Variants in OCA2 observed in about 807,000 individuals in gnomAD.
OCA2 encodes OCA2 melanosomal transmembrane protein.
OCA2 carries 77 observed loss-of-function variants against 100.2 expected under a neutral mutation model. That is an observed-to-expected ratio of 0.77 (90% CI 0.64 to 0.93). The LOEUF (loss-of-function observed/expected upper bound fraction) is 0.93. OCA2 is among the 40% of genes least tolerant of loss of function. The pLI, the probability that OCA2 is intolerant of heterozygous loss-of-function variation, is 0.00. For missense variants in OCA2, 1,062 were observed against 1,089.1 expected (o/e 0.98, Z 0.35); for synonymous variants, 432 against 439.2 (o/e 0.98, Z 0.21).
chr15:27,882,891 GC>G (rs2037078157), intron 19 of OCA2, among the ~76,000 whole-genome samples: 1 of 152,140 alleles, frequency 6.6e-6, no homozygotes, highest in South Asian at 2.1e-4. Context: ...CTTGCTTCAT[GC>G]CTGTCTAGCA....
chr15:27,889,777 G>A (rs896522997), intron 19 of OCA2, among the ~76,000 whole-genome samples: 34 of 152,296 alleles, frequency 2.2e-4, no homozygotes, highest in African/African-American at 7.9e-4. Flanking sequence ...TACCTGTTTG[G>A]TCACTGGCTC....
At chr15:27,765,846 C>G (rs1032183340) in intron 23 of OCA2, among the ~76,000 whole-genome samples, 3 of 152,200 alleles carry the variant, frequency 2.0e-5, no homozygotes, top group African/African-American at 7.2e-5. Context: ...ACTCTCATCA[C>G]CATCTTGGTT....
At chr15:28,023,802 G>T (rs1044584043) in intron 5 of OCA2, among the ~76,000 whole-genome samples, 1 of 151,648 alleles carries the variant, frequency 6.6e-6, no homozygotes, top group Non-Finnish European at 1.5e-5. Flanking sequence ...GCTCACACAG[G>T]TGCACACACA....
intron 14 of OCA2, among the ~76,000 whole-genome samples, chr15:27,981,897 C>T (rs906956641): frequency 4.6e-5 from 7 of 152,124 alleles, no homozygotes; most frequent in Admixed American, 6.5e-5. Flanking sequence ...TGGCCAGGGT[C>T]GTCCCTCCCT....
chr15:28,015,200 G>T (rs773932261), intron 8 of OCA2, among the ~76,000 whole-genome samples: 5 of 152,070 alleles, frequency 3.3e-5, no homozygotes, highest in Non-Finnish European at 7.4e-5. Context: ...CACAGAAGAC[G>T]CCAGCCATTG....
At chr15:27,926,786 C>G (rs2442125) in intron 18 of OCA2, among the ~76,000 whole-genome samples, 60,899 of 151,478 alleles carry the variant, frequency 0.4, 12,326 homozygotes, top group Middle Eastern at 0.52. Flanking sequence ...TTAACTTTTT[C>G]TATTTTTAGT....
chr15:28,073,093 A>C (rs1205859521), intron 2 of OCA2, among the ~76,000 whole-genome samples: 1 of 152,234 alleles, frequency 6.6e-6, no homozygotes, highest in Non-Finnish European at 1.5e-5. Context: ...GTTCATATAC[A>C]TCATGGAATA....
chr15:27,771,469 A>G (rs1461995829), intron 23 of OCA2, among the ~76,000 whole-genome samples: 1 of 151,370 alleles, frequency 6.6e-6, no homozygotes, highest in Non-Finnish European at 1.5e-5. Flanking sequence ...TGGGTTCTCC[A>G]GGCAGCGCCC....
At chr15:28,058,078 T>C (rs1021069724) in intron 2 of OCA2, among the ~76,000 whole-genome samples, 7 of 152,128 alleles carry the variant, frequency 4.6e-5, no homozygotes, top group Admixed American at 1.3e-4. Context: ...GAAGGGCTGG[T>C]AGACATTCTC....
chr15:27,890,514 T>C (rs1051922223), intron 19 of OCA2, among the ~76,000 whole-genome samples: 32 of 152,182 alleles, frequency 2.1e-4, no homozygotes, highest in African/African-American at 6.8e-4. Flanking sequence ...GGCAGCAAAT[T>C]TCTTCTCTGA....
chr15:27,806,034 T>C (rs536093344), intron 23 of OCA2, among the ~76,000 whole-genome samples: 1 of 152,276 alleles, frequency 6.6e-6, no homozygotes, highest in East Asian at 1.9e-4. Context: ...ACAGTGCAGG[T>C]TTGTGACTAT....
rs1220615392 is a variant in OCA2, at chr15:27,986,603, T to A, written c.1223A>T (p.Asp408Val). The stretch of plus-strand genomic sequence containing the variant: ...CATACCTACCTTTACAGCACAATAA[T>A]CGAAAAATCCCGTTTCTGAAAATAT... ...VAIFSETGFFDYCAVKAYRLS... is the reference protein window; with the variant it reads ...VAIFSETGFFVYCAVKAYRLS... The change falls in exon 12 of 24, where the codon GAT (aspartate) becomes GTT (valine). Residue 408 changes from aspartate (D) to valine (V), a missense_variant. Physicochemically the swap from Asp to Val is radical, Grantham distance 152 (BLOSUM62 -3). Transcript: ENST00000354638. 6.3e-7 allele frequency: 1 copy of A among 1,589,714 alleles called. No homozygotes were observed. Among genetic ancestry groups the A allele is most frequent in the Admixed American group, 1.7e-5 (1 of 59,988 alleles).
rs1013445454 is a variant in OCA2, at chr15:27,851,471, G to T, written c.2249C>A (p.Pro750His). 16 of 1,612,756 alleles carry T rather than the reference G, an allele frequency of 9.9e-6. No individual in the cohort carries two copies. Among genetic ancestry groups the T allele is most frequent in the Admixed American group, 1.7e-5 (1 of 59,910 alleles). ...GTCGTGGCTCAGGTTCAGGAGCACG[G>T]GAATCTGTGGAGGAAGAGGACATTG... ...DNIPFTATMI[P>H]VLLNLSHDPE... is the part of the protein sequence containing the mutation. Residue 750 changes from proline (P) to histidine (H), a missense_variant, in exon 22 of 24, where the codon CCC becomes CAC. Transcript: ENST00000354638.
chr15:27,764,199 G>A (rs1487281312), intron 23 of OCA2, among the ~76,000 whole-genome samples: 1 of 151,406 alleles, frequency 6.6e-6, no homozygotes, highest in Non-Finnish European at 1.5e-5. Flanking sequence ...AGGGACAGAG[G>A]CAAGGAGAGG....
intron 23 of OCA2, among the ~76,000 whole-genome samples, chr15:27,810,854 C>A (rs902026713): frequency 9.2e-5 from 14 of 151,832 alleles, no homozygotes; most frequent in African/African-American, 2.4e-4. Flanking sequence ...TGGCCATTAT[C>A]AAAAAGTCAA....
At chr15:27,762,516 G>T (rs1351692421) in intron 23 of OCA2, among the ~76,000 whole-genome samples, 1 of 152,212 alleles carries the variant, frequency 6.6e-6, no homozygotes, top group African/African-American at 2.4e-5. Flanking sequence ...ATGACTTATT[G>T]TAATACTGAA....
chr15:27,723,344 C>T, the OCA2 span, among the ~76,000 whole-genome samples: 1 of 152,054 alleles, frequency 6.6e-6, no homozygotes, highest in African/African-American at 2.4e-5. Flanking sequence ...TAACAAATGA[C>T]GTGTGCACGC....
chr15:27,727,382 G>C, the OCA2 span, among the ~76,000 whole-genome samples: 1 of 152,194 alleles, frequency 6.6e-6, no homozygotes, highest in Non-Finnish European at 1.5e-5. Flanking sequence ...GAAAAAAACT[G>C]TGATTCCAAC....
chr15:28,005,722 A>G (rs1740459422), intron 9 of OCA2, among the ~76,000 whole-genome samples: 1 of 152,204 alleles, frequency 6.6e-6, no homozygotes, highest in Non-Finnish European at 1.5e-5. Context: ...TCACAAGGTC[A>G]TTGGCATAAT....
Sources: gnomAD v4.1 joint callset for allele counts (sites outside exome capture counted in the v4.1 genomes callset) on GRCh38, gnomAD v4.1.1 for gene constraint, MANE v1.5 for transcripts, NCBI Gene and HGNC (gene_info 2026-07-23, HGNC 2026-07-21) for gene names.